The following RFFL variants were observed in gnomAD, a reference collection of about 807,000 sequenced individuals.
The protein encoded by RFFL is ring finger and FYVE like domain containing E3 ubiquitin protein ligase, also known as E3 ubiquitin-protein ligase rififylin.
RFFL carries 16 observed loss-of-function variants against 40.4 expected under a neutral mutation model. The ratio of observed to expected loss-of-function variants is 0.40; its 90% CI spans 0.27 to 0.60. The LOEUF is 0.60. RFFL is among the 20% of genes least tolerant of loss of function. The probability of loss-of-function intolerance (pLI) is 0.47; values close to 1 mark genes in which losing one functional copy is unlikely to be tolerated. For synonymous variants in RFFL, 154 were observed against 167.9 expected (o/e 0.92, Z 0.64); for missense variants, 367 against 451.7 (o/e 0.81, Z 1.70).
At chr17:35,030,957 G>A (rs895779106) in intron 1 of RFFL, among the ~76,000 whole-genome samples, 1 of 151,974 alleles carries the variant, frequency 6.6e-6, no homozygotes, top group Non-Finnish European at 1.5e-5. Flanking sequence ...AACATTAGTT[G>A]TTGTTATCCA....
chr17:35,029,927 C>T (rs555152641), intron 1 of RFFL, among the ~76,000 whole-genome samples: 249 of 148,440 alleles, frequency 1.7e-3, no homozygotes, highest in South Asian at 6.1e-3. Context: ...CACCTATGAG[C>T]GAGAACATGC....
At chr17:35,076,290 C>T (rs570768976) in intron 1 of RFFL, among the ~76,000 whole-genome samples, 3 of 152,124 alleles carry the variant, frequency 2.0e-5, no homozygotes, top group Admixed American at 6.6e-5. Context: ...CCACCATGCC[C>T]GGCCTCAATT....
At chr17:35,082,456 T>A (rs2091407334) in intron 1 of RFFL, among the ~76,000 whole-genome samples, 1 of 152,236 alleles carries the variant, frequency 6.6e-6, no homozygotes, top group African/African-American at 2.4e-5. Flanking sequence ...CTGCAGATAG[T>A]AACTCTGGGT....
rs1381990412 is a variant in RFFL at position 35,012,054 on chromosome 17, T to C, written c.1006A>G (p.Thr336Ala). Residue 336 changes from threonine (T) to alanine (A), a missense_variant, in exon 7 of 7, where the codon ACC becomes GCC. Thr to Ala is a moderately conservative substitution (Grantham distance 58). Coordinates refer to ENST00000394597, the MANE Select transcript of RFFL (RefSeq NM_001017368.2). ...ATGCGCTTGCCACACTTGGTACAGGTTACCATGTGGCCACACTCCAGAAGA... is the reference window on the plus strand; with the variant it reads ...ATGCGCTTGCCACACTTGGTACAGGCTACCATGTGGCCACACTCCAGAAGA... ...CVLLECGHMV[T>A]CTKCGKRMNE... is the part of the protein sequence containing the mutation. The C allele has an allele frequency of 1.2e-6, 2 of 1,613,992 alleles. No homozygotes were observed. Among genetic ancestry groups the C allele is most frequent in the Admixed American group, 1.7e-5 (1 of 60,012 alleles).
rs530393960 is a variant in RFFL, at chr17:35,011,802, C to T, written c.*166G>A. ...GGCTTTGCCAGCCAAGAGGTACACCCCTGGGAAGACAGGCATGCTCAGGGG... is the reference window on the plus strand; with the variant it reads ...GGCTTTGCCAGCCAAGAGGTACACCTCTGGGAAGACAGGCATGCTCAGGGG... On this transcript the variant is annotated 3_prime_UTR_variant, in exon 7 of 7. Coordinates refer to ENST00000394597, the MANE Select transcript of RFFL (RefSeq NM_001017368.2). The T allele has an allele frequency of 1.5e-5, 10 of 649,196 alleles. No homozygotes were observed. In the South Asian group the frequency reaches 1.7e-4, roughly 11 times the overall value. 40.2% of individuals were successfully genotyped at this position (649,196 alleles called of 1,614,324 possible). A position where few individuals can be genotyped will look rare whatever the true frequency, so the allele number is the denominator to read the frequency against.
chr17:35,049,861 C>A (rs2091221517), intron 1 of RFFL, among the ~76,000 whole-genome samples: 1 of 152,134 alleles, frequency 6.6e-6, no homozygotes, highest in African/African-American at 2.4e-5. Context: ...GTGGACTGAT[C>A]ACCTGAGGTC....
intron 1 of RFFL, among the ~76,000 whole-genome samples, chr17:35,056,787 TG>T (rs2091263940): frequency 6.6e-6 from 1 of 152,232 alleles, no homozygotes; most frequent in Non-Finnish European, 1.5e-5. Context: ...ACTTCCTTAC[TG>T]GTCCCTTCTT....
chr17:35,057,209 A>G (rs910402587), intron 1 of RFFL, among the ~76,000 whole-genome samples: 20 of 152,080 alleles, frequency 1.3e-4, no homozygotes, highest in African/African-American at 4.6e-4. Context: ...GTGAGCCACC[A>G]TGCCCAGCCC....
At chr17:35,016,857 T>C (rs1260515803) in intron 4 of RFFL, among the ~76,000 whole-genome samples, 1 of 152,142 alleles carries the variant, frequency 6.6e-6, no homozygotes, top group Non-Finnish European at 1.5e-5. Flanking sequence ...GGAGTGCTGG[T>C]TTGAGTCATA....
chr17:35,070,951 C>A (rs777076436), intron 1 of RFFL, among the ~76,000 whole-genome samples: 2 of 152,244 alleles, frequency 1.3e-5, no homozygotes, highest in African/African-American at 2.4e-5. Flanking sequence ...ATTTGCAGCA[C>A]TTTGGGAGGC....
At chr17:35,088,147 T>C (rs2091440341) in intron 1 of RFFL, among the ~76,000 whole-genome samples, 1 of 152,180 alleles carries the variant, frequency 6.6e-6, no homozygotes, top group Non-Finnish European at 1.5e-5. Context: ...CATAAGGAAC[T>C]CACTGCTTTC....
chr17:35,074,902 T>C (rs1181764762), intron 1 of RFFL, among the ~76,000 whole-genome samples: 1 of 152,162 alleles, frequency 6.6e-6, no homozygotes, highest in Non-Finnish European at 1.5e-5. Flanking sequence ...TCTGACACAG[T>C]GGAATGAGTG....
intron 1 of RFFL, among the ~76,000 whole-genome samples, chr17:35,034,108 A>G (rs191117976): frequency 0.014 from 2,090 of 150,606 alleles, 31 homozygotes; most frequent in Non-Finnish European, 0.02. Context: ...GCACCACTGT[A>G]CTCCAGTCTG....
intron 1 of RFFL, among the ~76,000 whole-genome samples, chr17:35,046,657 A>G (rs923948457): frequency 2.6e-5 from 4 of 152,236 alleles, no homozygotes; most frequent in African/African-American, 9.7e-5. Context: ...AAAGACATAC[A>G]TAATAATCAC....
At chr17:35,012,227 G>A (rs2090945450) in intron 6 of RFFL, 78 bp from the exon 7 acceptor site, 2 of 1,277,520 alleles carry the variant, frequency 1.6e-6, no homozygotes, top group Non-Finnish European at 1.1e-6. Context: ...GTGACTGGGG[G>A]AGGGAGGTGG....
At chr17:35,034,910 G>C (rs746033687) in intron 1 of RFFL, among the ~76,000 whole-genome samples, 1 of 152,120 alleles carries the variant, frequency 6.6e-6, no homozygotes, top group Admixed American at 6.5e-5. Flanking sequence ...TTGTCCCGAG[G>C]GGATTTGGAG....
intron 1 of RFFL, among the ~76,000 whole-genome samples, chr17:35,039,537 C>T (rs545920052): frequency 4.1e-4 from 62 of 151,810 alleles, no homozygotes; most frequent in South Asian, 8.3e-4. Context: ...TTTTTTAAAG[C>T]ACCTAGTCAA....
At chr17:35,065,393 C>A (rs887347314), upstream of RFFL, among the ~76,000 whole-genome samples, 1 of 151,994 alleles carries the variant, frequency 6.6e-6, no homozygotes, top group Non-Finnish European at 1.5e-5. Context: ...CCCATCTCTA[C>A]TAAAAATACA....
intron 6 of RFFL, 102 bp downstream of exon 6, chr17:35,014,638 G>A (rs77160859): frequency 3.6e-6 from 4 of 1,110,804 alleles, no homozygotes; most frequent in Admixed American, 3.4e-5. Flanking sequence ...CTCTCTGGGG[G>A]CTCAAATGCT....
Sources: allele counts gnomAD v4.1 joint callset (sites outside exome capture counted in the v4.1 genomes callset), GRCh38; gene constraint gnomAD v4.1.1; transcripts MANE v1.5; gene names NCBI Gene and HGNC (gene_info 2026-07-23, HGNC 2026-07-21).